Variants in ISY1 observed in about 807,000 individuals in gnomAD.
ISY1 encodes the protein ISY1 spliceosome associated protein.
In ISY1, 12 loss-of-function variants were observed where a neutral mutation model predicts 54.4. The observed-to-expected ratio is 0.22, with a 90% CI of 0.14 to 0.36. The LOEUF (loss-of-function observed/expected upper bound fraction) is 0.36. Among genes scored for constraint, ISY1 ranks in the 10% least tolerant of loss-of-function variants. The probability of loss-of-function intolerance (pLI) is 1.00; values close to 1 mark genes in which losing one functional copy is unlikely to be tolerated. For synonymous variants in ISY1, 96 were observed against 117.9 expected, an observed-to-expected ratio of 0.81 and a Z score of 1.20; for missense variants, 282 against 342.2, an observed-to-expected ratio of 0.82 and a Z score of 1.39.
chr3:129,145,944 G>GT, intron 5 of ISY1, 71 bp from the exon 6 acceptor site: 1 of 1,434,526 alleles, frequency 7.0e-7, no homozygotes, highest in Middle Eastern at 1.9e-4. Context: ...CGTACACTTA[G>GT]TATCATATCC....
chr3:129,146,002 C>G, intron 5 of ISY1, 129 bp from the exon 6 acceptor site: 1 of 786,510 alleles, frequency 1.3e-6, no homozygotes. Context: ...TAAAAACACT[C>G]ATCTAAATTG....
intron 10 of ISY1, 134 bp from the exon 11 acceptor site, chr3:129,130,322 A>C: frequency 1.5e-6 from 2 of 1,311,640 alleles, no homozygotes; most frequent in South Asian, 3.1e-5. Context: ...AGTCTCCAAG[A>C]GTCCTAACTC....
rs62786261 is a variant in ISY1 at position 129,129,373 on chromosome 3, C to CTT, written c.*706_*707dup. 8.8e-5 allele frequency: 12 copies of CTT among 136,506 alleles called. No homozygotes were observed. The highest frequency in any genetic ancestry group is 3.1e-4 in the African/African-American group (11 of 35,700). 8.5% of individuals were successfully genotyped at this position (136,506 alleles called of 1,614,324 possible). ...TCATTGACTTGTGGGTTGCGTGCAT[C>CTT]TTTTTTTTTTTTTTTTTTTGGGACA... On this transcript the variant is annotated 3_prime_UTR_variant, in exon 11 of 11. Transcript: ENST00000393295.
chr3:129,146,345 A>G (rs1204508272), intron 5 of ISY1, among the ~76,000 whole-genome samples: 1 of 152,212 alleles, frequency 6.6e-6, no homozygotes, highest in Non-Finnish European at 1.5e-5. Context: ...TATAGGGCTA[A>G]GAATTATGCC....
At chr3:129,145,549 A>T (rs935924452) in intron 6 of ISY1, among the ~76,000 whole-genome samples, 2 of 152,220 alleles carry the variant, frequency 1.3e-5, no homozygotes, top group East Asian at 1.9e-4. Context: ...CACGAGGCCG[A>T]GAGATGAAGC....
At chr3:129,149,973 CAAAA>C (rs200338338) in intron 5 of ISY1, among the ~76,000 whole-genome samples, 4 of 90,776 alleles carry the variant, frequency 4.4e-5, no homozygotes, top group Admixed American at 1.2e-4. Flanking sequence ...GGCTCTATCT[CAAAA>C]AAAAAAAAAA....
intron 5 of ISY1, among the ~76,000 whole-genome samples, chr3:129,149,976 A>C (rs1038620438): frequency 1.5e-5 from 2 of 135,220 alleles, no homozygotes; most frequent in African/African-American, 5.8e-5. Context: ...TCTATCTCAA[A>C]AAAAAAAAAA....
At chr3:129,138,814 CAAA>C (rs752198992) in intron 7 of ISY1, among the ~76,000 whole-genome samples, 1 of 110,984 alleles carries the variant, frequency 9.0e-6, no homozygotes, top group Admixed American at 9.6e-5. Flanking sequence ...GACTCCATCT[CAAA>C]AAAAAAAAAA....
intron 2 of ISY1, 110 bp downstream of exon 2, chr3:129,159,044 G>T (rs762553666): frequency 1.7e-5 from 23 of 1,387,434 alleles, no homozygotes; most frequent in East Asian, 2.3e-5. Context: ...TGTAAAGAAA[G>T]AAACAGCTTC....
intron 5 of ISY1, among the ~76,000 whole-genome samples, chr3:129,156,007 T>A (rs1937124326): frequency 6.6e-6 from 1 of 152,054 alleles, no homozygotes; most frequent in South Asian, 2.1e-4. Flanking sequence ...AGGCGTGAGC[T>A]ACTGCGCCCG....
At chr3:129,143,830 G>T (rs1177455471) in intron 6 of ISY1, among the ~76,000 whole-genome samples, 6 of 151,980 alleles carry the variant, frequency 3.9e-5, no homozygotes, top group Non-Finnish European at 8.8e-5. Context: ...ACAACGGAAG[G>T]AGAAAAAAGA....
chr3:129,151,061 G>A (rs1310168545), intron 5 of ISY1, among the ~76,000 whole-genome samples: 1 of 151,134 alleles, frequency 6.6e-6, no homozygotes, highest in East Asian at 1.9e-4. Context: ...GGCAGAGGTT[G>A]CAGTGAGCCG....
chr3:129,159,034 T>C lies in ISY1; in HGVS notation c.26+120A>G, dbSNP rs1199395626. 9.3e-6 allele frequency: 12 copies of C among 1,291,816 alleles called. No individual in the cohort carries two copies. The East Asian group carries it at 2.1e-4, about 23-fold the overall frequency. The allele number at this position is 1,291,816 out of a possible 1,614,324, so 80.0% of individuals were successfully genotyped here. A position where few individuals can be genotyped will look rare whatever the true frequency, so the allele number is the denominator to read the frequency against. ...TTTGCATATGTAAGAACATAACATA[T>C]GTAAAGAAAGAAACAGCTTCTCAAA... is the stretch of plus-strand genomic sequence containing the variant. On this transcript the variant is annotated intron_variant, in intron 2 of 10. Coordinates refer to ENST00000393295, the MANE Select transcript of ISY1 (RefSeq NM_020701.4).
At chr3:129,154,204 C>T (rs550660105) in intron 5 of ISY1, among the ~76,000 whole-genome samples, 42 of 143,042 alleles carry the variant, frequency 2.9e-4, no homozygotes, top group African/African-American at 1.1e-3. Flanking sequence ...GATGGCGCCA[C>T]TGCACTCCAG....
chr3:129,136,691 CT>C (rs554610124), intron 7 of ISY1, among the ~76,000 whole-genome samples: 3,145 of 128,444 alleles, frequency 0.024, 30 homozygotes, highest in Middle Eastern at 0.074. Context: ...TCTTCTTCTT[CT>C]TTTTTTTTTT....
chr3:129,147,999 T>C (rs1180258253), intron 5 of ISY1, among the ~76,000 whole-genome samples: 1 of 152,090 alleles, frequency 6.6e-6, no homozygotes. Flanking sequence ...TTAATTATTA[T>C]TATTATTTAC....
At chr3:129,145,219 T>C (rs1053098688) in intron 6 of ISY1, among the ~76,000 whole-genome samples, 6 of 105,858 alleles carry the variant, frequency 5.7e-5, no homozygotes, top group African/African-American at 1.7e-4. Context: ...TGAAGGACCA[T>C]AGTCATTTTT....
At chr3:129,145,683 C>G in intron 6 of ISY1, 78 bp downstream of exon 6, 1 of 1,414,758 alleles carries the variant, frequency 7.1e-7, no homozygotes, top group South Asian at 1.2e-5. Flanking sequence ...CAAGCGACTA[C>G]TATGGCAAGA....
chr3:129,156,811 G>A, intron 4 of ISY1, 44 bp downstream of exon 4: 2 of 1,596,770 alleles, frequency 1.3e-6, no homozygotes, highest in East Asian at 2.2e-5. Flanking sequence ...GAAGAAATGA[G>A]AGACTTGTTA....
Sources: gnomAD v4.1 joint callset for allele counts (sites outside exome capture counted in the v4.1 genomes callset) on GRCh38, gnomAD v4.1.1 for gene constraint, MANE v1.5 for transcripts, NCBI Gene and HGNC (gene_info 2026-07-23, HGNC 2026-07-21) for gene names.